The following CTNND2 variants were observed in gnomAD, a reference collection of about 807,000 sequenced individuals.
CTNND2 encodes catenin delta 2.
In CTNND2, 22 loss-of-function variants were observed where a neutral mutation model predicts 144.4. The observed-to-expected ratio is 0.15, with a 90% CI of 0.11 to 0.22. The LOEUF (loss-of-function observed/expected upper bound fraction) is 0.22, where lower values mean the gene tolerates loss of function less well. Ranked by LOEUF, CTNND2 falls within the 10% of genes least tolerant of loss-of-function variation. The pLI is 1.00. For missense variants in CTNND2, 1,353 were observed against 1,618.8 expected (o/e 0.84, Z 2.82); for synonymous variants, 751 against 695.6 (o/e 1.08, Z -1.25).
At chr5:11,731,754 C>CATAT (rs1221687336) in intron 2 of CTNND2, among the ~76,000 whole-genome samples, 1 of 152,110 alleles carries the variant, frequency 6.6e-6, no homozygotes, top group Non-Finnish European at 1.5e-5. Flanking sequence ...CATTTACTGT[C>CATAT]ATATATATTT....
chr5:11,747,604 T>A (rs1027424343), intron 1 of CTNND2, among the ~76,000 whole-genome samples: 1 of 152,160 alleles, frequency 6.6e-6, no homozygotes, highest in East Asian at 1.9e-4. Flanking sequence ...ATAAGTGAAA[T>A]ACAATCTGTC....
rs34764407 is a variant in CTNND2 at position 11,294,177 on chromosome 5, C to CAAA, written c.1628+52192_1628+52194dup. 5.3e-5 allele frequency among the ~76,000 whole-genome samples: 7 copies of CAAA among 133,194 alleles called. No individual in the cohort carries two copies. In the South Asian group the frequency reaches 9.6e-4, roughly 18 times the overall value. 87.4% of individuals were successfully genotyped at this position (133,194 alleles called of 152,430 possible). ...ACATATAGTTTCACTGTCACAATCT[C>CAAA]AAAAAAAAAAAAAAAACAAAGCCAG... On this transcript the variant is annotated intron_variant, in intron 9 of 21. Coordinates refer to ENST00000304623, the MANE Select transcript of CTNND2 (RefSeq NM_001332.4).
intron 2 of CTNND2, among the ~76,000 whole-genome samples, chr5:11,626,542 C>T (rs567945041): frequency 6.6e-6 from 1 of 152,146 alleles, no homozygotes; most frequent in Admixed American, 6.5e-5. Context: ...GTGTTTAAGT[C>T]ACTTAAGTTG....
Position 11,384,629 on chromosome 5 carries a change from C to T in CTNND2, c.1177+36G>A, listed in dbSNP as rs755358876. 1 of 1,570,048 alleles carries T rather than the reference C, an allele frequency of 6.4e-7. No individual in the cohort carries two copies. The highest frequency in any genetic ancestry group is 1.1e-5 in the South Asian group (1 of 87,594). ...CTGCTTCCGCGTCCCCGCCACGCGCCCAGGTGAGTCGCGCCAGGTGGCAGC... is the reference window on the plus strand; with the variant it reads ...CTGCTTCCGCGTCCCCGCCACGCGCTCAGGTGAGTCGCGCCAGGTGGCAGC... On this transcript the variant is annotated intron_variant, in intron 7 of 21. Coordinates refer to ENST00000304623, the MANE Select transcript of CTNND2 (RefSeq NM_001332.4). This position sits in a 1 kb window ranked among gnomAD's most constrained non-coding sequence, Gnocchi z 5.2.
At chr5:11,805,721 A>G (rs913005149) in intron 1 of CTNND2, among the ~76,000 whole-genome samples, 3 of 152,156 alleles carry the variant, frequency 2.0e-5, no homozygotes, top group Non-Finnish European at 4.4e-5. Flanking sequence ...ATGGGGAGAA[A>G]CAACAAATCT....
intron 3 of CTNND2, among the ~76,000 whole-genome samples, chr5:11,519,909 C>A (rs538365650): frequency 6.6e-6 from 1 of 151,684 alleles, no homozygotes; most frequent in Non-Finnish European, 1.5e-5. Context: ...GAGGCTGACA[C>A]GGGCGGATCA....
chr5:11,297,782 A>C (rs1373904715), intron 9 of CTNND2, among the ~76,000 whole-genome samples: 3 of 152,136 alleles, frequency 2.0e-5, no homozygotes, highest in African/African-American at 7.2e-5. Flanking sequence ...TAAGCTATGA[A>C]CCAACATATT....
chr5:11,674,037 C>T (rs919163465), intron 2 of CTNND2, among the ~76,000 whole-genome samples: 12 of 152,096 alleles, frequency 7.9e-5, no homozygotes, highest in African/African-American at 2.9e-4. Context: ...TAAGTTAATA[C>T]CAGAAAAAGT....
intron 1 of CTNND2, among the ~76,000 whole-genome samples, chr5:11,741,476 G>C (rs113188486): frequency 0.076 from 11,529 of 151,872 alleles, 617 homozygotes; most frequent in East Asian, 0.2. Context: ...GAACAGAAAA[G>C]CAAACACTGC....
chr5:11,398,531 TTGAA>T lies in CTNND2; in HGVS notation c.440-1332_440-1329del, dbSNP rs923913356. Among the ~76,000 whole-genome samples the T allele has an allele frequency of 3.3e-5, 5 of 152,264 alleles. No homozygotes were observed. In the South Asian group the frequency reaches 8.3e-4, roughly 25 times the overall value. On this transcript the variant is annotated intron_variant, in intron 5 of 21. Coordinates refer to ENST00000304623, the MANE Select transcript of CTNND2 (RefSeq NM_001332.4). ...GATAATTTTTCATCAACATTTTATA[TTGAA>T]TAATATGCCAATTAACTAGTACAGT...
At chr5:11,525,725 A>T (rs1773182893) in intron 3 of CTNND2, among the ~76,000 whole-genome samples, 1 of 152,092 alleles carries the variant, frequency 6.6e-6, no homozygotes, top group Non-Finnish European at 1.5e-5. Context: ...CATGAGGTTA[A>T]CTGGCACGCC....
At chr5:11,765,390 G>A (rs1789524099) in intron 1 of CTNND2, among the ~76,000 whole-genome samples, 1 of 152,128 alleles carries the variant, frequency 6.6e-6, no homozygotes, top group South Asian at 2.1e-4. Context: ...ACACAGCAAG[G>A]TTCCAGGCTG....
At chr5:11,169,558 A>G (rs1368556398) in intron 11 of CTNND2, among the ~76,000 whole-genome samples, 1 of 152,238 alleles carries the variant, frequency 6.6e-6, no homozygotes, top group Non-Finnish European at 1.5e-5. Context: ...CAGAAGTTAC[A>G]CAGCCAGCAC....
intron 9 of CTNND2, among the ~76,000 whole-genome samples, chr5:11,259,799 C>T (rs1416946486): frequency 6.6e-6 from 1 of 152,170 alleles, no homozygotes; most frequent in Non-Finnish European, 1.5e-5. Context: ...AAAAGAACCG[C>T]TTTGTTGAGG....
intron 2 of CTNND2, among the ~76,000 whole-genome samples, chr5:11,693,142 A>C (rs1284526744): frequency 6.6e-6 from 1 of 152,216 alleles, no homozygotes; most frequent in Admixed American, 6.5e-5. Flanking sequence ...TCGTAAGGTG[A>C]AAGGGAGCAT....
chr5:11,642,766 T>C (rs1448567470), intron 2 of CTNND2, among the ~76,000 whole-genome samples: 1 of 152,238 alleles, frequency 6.6e-6, no homozygotes, highest in Non-Finnish European at 1.5e-5. Flanking sequence ...CTTATCATTA[T>C]GTGCCAGCAA....
chr5:11,739,272 G>C (rs538311918), intron 1 of CTNND2, among the ~76,000 whole-genome samples: 1 of 152,214 alleles, frequency 6.6e-6, no homozygotes, highest in African/African-American at 2.4e-5. Flanking sequence ...AGATTACCAG[G>C]ATAATTGGAA....
intron 9 of CTNND2, among the ~76,000 whole-genome samples, chr5:11,274,494 A>C (rs1467647771): frequency 6.6e-6 from 1 of 152,196 alleles, no homozygotes; most frequent in Admixed American, 6.5e-5. Context: ...AAAAATGTTC[A>C]ATATCACATT....
In CTNND2 at chr5:11,565,005, C is replaced by G. The variant is rs185561753; in HGVS notation, c.226G>C (p.Val76Leu). The G allele has an allele frequency of 1.2e-5, 19 of 1,613,994 alleles. No individual in the cohort carries two copies. The highest frequency in any genetic ancestry group is 1.6e-5 in the Non-Finnish European group (19 of 1,179,972). The change falls in exon 3 of 22, where the codon GTA (valine) becomes CTA (leucine). Residue 76 changes from valine (V) to leucine (L), a missense_variant. Coordinates refer to ENST00000304623, the MANE Select transcript of CTNND2 (RefSeq NM_001332.4). Reference sequence around the variant, plus strand: ...TTGCATCGCTCCAGCTGGCTGGCTACGATCTGCCGTTCAGCCTCCAGCTCT... The same window carrying G: ...TTGCATCGCTCCAGCTGGCTGGCTAGGATCTGCCGTTCAGCCTCCAGCTCT... ...TRELEAERQI[V>L]ASQLERCKLG... is the part of the protein sequence containing the mutation.
Sources: gnomAD v4.1 joint callset for allele counts (sites outside exome capture counted in the v4.1 genomes callset) on GRCh38, gnomAD v4.1.1 for gene constraint, Gnocchi (gnomAD v3.1) non-coding constraint, MANE v1.5 for transcripts, NCBI Gene and HGNC (gene_info 2026-07-23, HGNC 2026-07-21) for gene names.